The following FRMD5 variants were observed in gnomAD, a reference collection of about 807,000 sequenced individuals.
The protein encoded by FRMD5 is FERM domain-containing protein 5.
FRMD5 carries 20 observed loss-of-function variants against 69.0 expected under a neutral mutation model. The ratio of observed to expected loss-of-function variants is 0.29; its 90% CI spans 0.20 to 0.42. The LOEUF (loss-of-function observed/expected upper bound fraction) is 0.42. Among genes scored for constraint, FRMD5 ranks in the 10% least tolerant of loss-of-function variants. The pLI, the probability that FRMD5 is intolerant of heterozygous loss-of-function variation, is 1.00. For missense variants in FRMD5, 595 were observed against 708.6 expected (o/e 0.84, Z 1.82); for synonymous variants, 271 against 260.1 (o/e 1.04, Z -0.40).
At chr15:43,963,360 C>G (rs1280950405) in intron 1 of FRMD5, among the ~76,000 whole-genome samples, 1 of 152,164 alleles carries the variant, frequency 6.6e-6, no homozygotes, top group African/African-American at 2.4e-5. Context: ...CAATGAGATA[C>G]CATCTCATGC....
intron 4 of FRMD5, among the ~76,000 whole-genome samples, chr15:43,911,934 G>A (rs2089296258): frequency 6.6e-6 from 1 of 152,142 alleles, no homozygotes. Context: ...TGGGCTTGAA[G>A]ATTCAAGCAA....
chr15:44,166,952 GTGAATCAT>G (rs1331699498), intron 1 of FRMD5, among the ~76,000 whole-genome samples: 1 of 152,080 alleles, frequency 6.6e-6, no homozygotes, highest in Non-Finnish European at 1.5e-5. Flanking sequence ...CTGAAAGTCA[GTGAATCAT>G]TGAATCATTC....
At position 43,873,653 on chromosome 15, in the gene FRMD5, C is replaced by G; in HGVS notation, c.*232G>C. 6.7e-7 allele frequency: 1 copy of G among 1,497,034 alleles called. No individual in the cohort carries two copies. The highest frequency in any genetic ancestry group is 8.8e-7 in the Non-Finnish European group (1 of 1,133,048). The allele number at this position is 1,497,034 out of a possible 1,614,324, so 92.7% of individuals were successfully genotyped here. ...AAGATGAGAAACAGAGTCGCTGAGC[C>G]TTTCTTGAAATAACTTCTGAAGAAA... is the stretch of plus-strand genomic sequence containing the variant. On this transcript the variant is annotated 3_prime_UTR_variant, in exon 14 of 14. Coordinates refer to ENST00000417257, the MANE Select transcript of FRMD5 (RefSeq NM_032892.5).
chr15:44,040,531 A>C (rs969094856), intron 1 of FRMD5, among the ~76,000 whole-genome samples: 6 of 152,166 alleles, frequency 3.9e-5, no homozygotes, highest in South Asian at 2.1e-4. Flanking sequence ...AAAGAAAAAA[A>C]TTTTCAACCC....
intron 1 of FRMD5, among the ~76,000 whole-genome samples, chr15:43,957,098 C>A (rs2090126907): frequency 6.6e-6 from 1 of 152,132 alleles, no homozygotes; most frequent in African/African-American, 2.4e-5. Flanking sequence ...CACAAAAATC[C>A]TCAGAAATTT....
In FRMD5 at chr15:43,893,405, C is replaced by T. The variant is rs542061666; in HGVS notation, c.640-1336G>A. ...TCTGTTGAACATAGTGGGGAGCGGG[C>T]GGAGCAGAAGCTGTAGGTCTCGCTT... is the stretch of plus-strand genomic sequence containing the variant. On this transcript the variant is annotated intron_variant, in intron 7 of 13. Coordinates refer to ENST00000417257, the MANE Select transcript of FRMD5 (RefSeq NM_032892.5). 2.2e-4 allele frequency among the ~76,000 whole-genome samples: 34 copies of T among 152,260 alleles called. No homozygotes were observed. The East Asian group carries it at 4.3e-3, about 19-fold the overall frequency.
At chr15:44,041,733 G>A (rs1248087317) in intron 1 of FRMD5, among the ~76,000 whole-genome samples, 3 of 152,172 alleles carry the variant, frequency 2.0e-5, no homozygotes, top group African/African-American at 7.2e-5. Flanking sequence ...TGAAACGAAT[G>A]AGAACAAAGA....
intron 1 of FRMD5, among the ~76,000 whole-genome samples, chr15:44,065,728 T>C (rs1893282269): frequency 2.6e-5 from 4 of 152,206 alleles, no homozygotes; most frequent in Non-Finnish European, 1.5e-5. Flanking sequence ...TCAATAAGCA[T>C]ATAAACTGAC....
chr15:44,034,777 G>T (rs998043628), intron 1 of FRMD5, among the ~76,000 whole-genome samples: 1 of 152,098 alleles, frequency 6.6e-6, no homozygotes, highest in East Asian at 1.9e-4. Flanking sequence ...AGCTGAGGGG[G>T]GAAGAGAAGA....
At chr15:44,185,183 G>A (rs2696072) in intron 1 of FRMD5, among the ~76,000 whole-genome samples, 16,559 of 152,082 alleles carry the variant, frequency 0.11, 2,062 homozygotes, top group African/African-American at 0.31. Context: ...CTCCTCTCCT[G>A]GTTTTTTTAA....
rs2089896264 is a variant in FRMD5 at position 43,943,519 on chromosome 15, G to A, written c.103-19210C>T. ...TCATGTTCACACAGAACCTTAGAAT[G>A]TGACCTTATTTGGAAATAAAGTCTT... On this transcript the variant is annotated intron_variant, in intron 1 of 13. Transcript: ENST00000417257. Among the ~76,000 whole-genome samples the A allele has an allele frequency of 2.0e-5, 3 of 152,214 alleles. No individual in the cohort carries two copies. The South Asian group carries it at 6.2e-4, about 31-fold the overall frequency.
chr15:43,885,607 G>A, intron 11 of FRMD5, 74 bp downstream of exon 11: 1 of 1,267,280 alleles, frequency 7.9e-7, no homozygotes, highest in Non-Finnish European at 1.2e-6. Context: ...TGTTCTAAAG[G>A]ATAAGGACCA....
chr15:44,174,653 T>A (rs2077862317), intron 1 of FRMD5, among the ~76,000 whole-genome samples: 1 of 152,262 alleles, frequency 6.6e-6, no homozygotes, highest in African/African-American at 2.4e-5. Flanking sequence ...AAAATATTTA[T>A]GACTTCAACA....
chr15:44,092,431 C>T (rs2076486114), intron 1 of FRMD5, among the ~76,000 whole-genome samples: 1 of 152,170 alleles, frequency 6.6e-6, no homozygotes, highest in South Asian at 2.1e-4. Flanking sequence ...TTCTTAAGCA[C>T]ACACTCTCTA....
chr15:44,070,869 G>A (rs1206329009), intron 1 of FRMD5, among the ~76,000 whole-genome samples: 1 of 152,026 alleles, frequency 6.6e-6, no homozygotes, highest in Non-Finnish European at 1.5e-5. Context: ...TTCGATTTTT[G>A]TCCCAAATCA....
intron 5 of FRMD5, among the ~76,000 whole-genome samples, chr15:43,907,796 G>A (rs117842849): frequency 0.07 from 10,679 of 152,114 alleles, 485 homozygotes; most frequent in Non-Finnish European, 0.1. Context: ...GTGAGCCACC[G>A]TGCCAGGCCT....
rs185851606 is a variant in FRMD5 at position 43,873,099 on chromosome 15, C to G, written c.*786G>C. 2.0e-5 allele frequency: 27 copies of G among 1,374,526 alleles called. No individual in the cohort carries two copies. The highest frequency in any genetic ancestry group is 5.0e-6 in the Non-Finnish European group (5 of 1,001,342). 85.1% of individuals were successfully genotyped at this position (1,374,526 alleles called of 1,614,324 possible). ...GAGGTTCTTCGGAAAAAAAAAATCA[C>G]GTTAAGTCTAGTTTCATTATACAAA... is the stretch of plus-strand genomic sequence containing the variant. On this transcript the variant is annotated 3_prime_UTR_variant, in exon 14 of 14. Coordinates refer to ENST00000417257, the MANE Select transcript of FRMD5 (RefSeq NM_032892.5).
intron 1 of FRMD5, among the ~76,000 whole-genome samples, chr15:43,983,676 C>T (rs1291695863): frequency 6.6e-6 from 1 of 152,218 alleles, no homozygotes; most frequent in East Asian, 1.9e-4. Flanking sequence ...CCTAAACAAA[C>T]TGTGCAACTG....
Position 44,122,807 on chromosome 15 carries a change from C to T in FRMD5, c.102+72146G>A, listed in dbSNP as rs1004791134. Among the ~76,000 whole-genome samples, 67 of 152,010 alleles carry T rather than the reference C, an allele frequency of 4.4e-4. 1 individual carries two copies. Among genetic ancestry groups the T allele is most frequent in the African/African-American group, 1.4e-3 (57 of 41,488 alleles). On this transcript the variant is annotated intron_variant, in intron 1 of 13. Coordinates refer to ENST00000417257, the MANE Select transcript of FRMD5 (RefSeq NM_032892.5). Reference sequence around the variant, plus strand: ...TAGTCCCAGCTACTCAGGAGAATGGCGTGAACCCGGGAGGCAGAGCTTGCA... The same window carrying T: ...TAGTCCCAGCTACTCAGGAGAATGGTGTGAACCCGGGAGGCAGAGCTTGCA...
Sources: allele counts gnomAD v4.1 joint callset (sites outside exome capture counted in the v4.1 genomes callset), GRCh38; gene constraint gnomAD v4.1.1; transcripts MANE v1.5; gene names NCBI Gene and HGNC (gene_info 2026-07-23, HGNC 2026-07-21).